FOXO1: variants seen among roughly 807,000 people sequenced by gnomAD.
The protein encoded by FOXO1 is forkhead box protein O1.
In FOXO1, 6 loss-of-function variants were observed where a neutral mutation model predicts 44.1. The observed-to-expected ratio is 0.14, with a 90% CI of 0.07 to 0.27. The LOEUF (loss-of-function observed/expected upper bound fraction) is 0.27, where lower values mean the gene tolerates loss of function less well. Ranked by LOEUF, FOXO1 falls within the 10% of genes least tolerant of loss-of-function variation. The pLI is 1.00. For synonymous variants in FOXO1, 380 were observed against 362.7 expected (o/e 1.05, Z -0.54); for missense variants, 737 against 888.8 (o/e 0.83, Z 2.17).
chr13:40,620,799 C>CTTTTT (rs111991105), intron 1 of FOXO1, among the ~76,000 whole-genome samples: 16,980 of 120,624 alleles, frequency 0.14, 2,641 homozygotes, highest in African/African-American at 0.35. Context: ...CTTCCCCTTG[C>CTTTTT]TTTTTTTTTT....
intron 1 of FOXO1, among the ~76,000 whole-genome samples, chr13:40,585,352 C>CACACAT (rs1483674177): frequency 6.6e-6 from 1 of 151,844 alleles, no homozygotes; most frequent in Non-Finnish European, 1.5e-5. Context: ...CGCACACACA[C>CACACAT]ACACACACAC....
intron 1 of FOXO1, among the ~76,000 whole-genome samples, chr13:40,659,850 A>G (rs1877982298): frequency 6.6e-6 from 1 of 152,202 alleles, no homozygotes. Context: ...GCTGAACCAT[A>G]TAAAATAGCC....
intron 1 of FOXO1, 150 bp downstream of exon 1, chr13:40,665,433 G>A (rs1192231951): frequency 3.3e-6 from 2 of 611,578 alleles, no homozygotes; most frequent in Non-Finnish European, 4.7e-6. Flanking sequence ...GGACCCGGGC[G>A]AGGCCACCGC....
intron 1 of FOXO1, chr13:40,619,332 CAG>C (rs1876531046): frequency 3.7e-6 from 2 of 539,844 alleles, no homozygotes; most frequent in East Asian, 7.6e-5. Context: ...GAACAAATTA[CAG>C]AGACTCAGAA....
chr13:40,567,285 G>A (rs1874306116), intron 1 of FOXO1, among the ~76,000 whole-genome samples: 1 of 151,788 alleles, frequency 6.6e-6, no homozygotes, highest in Non-Finnish European at 1.5e-5. Flanking sequence ...ACCCTTAGAT[G>A]GCCTTCATAC....
intron 1 of FOXO1, among the ~76,000 whole-genome samples, chr13:40,646,182 A>G (rs967940516): frequency 1.3e-5 from 2 of 152,110 alleles, no homozygotes; most frequent in African/African-American, 4.8e-5. Flanking sequence ...TCAGCCTTAG[A>G]TGGGAAATAA....
intron 1 of FOXO1, among the ~76,000 whole-genome samples, chr13:40,663,560 G>A (rs1056841809): frequency 2.0e-5 from 3 of 152,154 alleles, no homozygotes; most frequent in Non-Finnish European, 2.9e-5. Flanking sequence ...CTCTGTAACA[G>A]CTGAAGTGGA....
intron 1 of FOXO1, among the ~76,000 whole-genome samples, chr13:40,575,440 G>C (rs954195053): frequency 3.3e-5 from 5 of 152,162 alleles, no homozygotes; most frequent in Admixed American, 6.5e-5. Context: ...GTGGAGTGAA[G>C]GGCACCAAGG....
intron 1 of FOXO1, among the ~76,000 whole-genome samples, chr13:40,636,201 C>T (rs772695662): frequency 1.3e-5 from 2 of 151,422 alleles, no homozygotes; most frequent in Non-Finnish European, 2.9e-5. Flanking sequence ...GGCCACAGAG[C>T]GAGATTCCAT....
chr13:40,586,608 G>GT, intron 1 of FOXO1, among the ~76,000 whole-genome samples: 1 of 152,312 alleles, frequency 6.6e-6, no homozygotes, highest in Non-Finnish European at 1.5e-5. Flanking sequence ...ATAGTGTGTA[G>GT]TATCAGTTTT....
At chr13:40,568,953 C>G (rs948460967) in intron 1 of FOXO1, among the ~76,000 whole-genome samples, 8 of 151,810 alleles carry the variant, frequency 5.3e-5, no homozygotes, top group Non-Finnish European at 1.5e-5. Context: ...AAAAATAGAA[C>G]CACATGGAGC....
intron 1 of FOXO1, among the ~76,000 whole-genome samples, chr13:40,654,322 TAAAAA>T (rs11344939): frequency 4.6e-4 from 22 of 48,196 alleles, no homozygotes; most frequent in African/African-American, 1.0e-3. Flanking sequence ...CTAAAAATAC[TAAAAA>T]AAAAAAAAAA....
intron 1 of FOXO1, among the ~76,000 whole-genome samples, chr13:40,586,482 G>T (rs1875170258): frequency 6.6e-6 from 1 of 152,136 alleles, no homozygotes; most frequent in Non-Finnish European, 1.5e-5. Flanking sequence ...AGGCAACAGA[G>T]GCACCCCCTT....
intron 1 of FOXO1, among the ~76,000 whole-genome samples, chr13:40,665,259 G>A (rs1176994440): frequency 2.0e-5 from 3 of 152,116 alleles, no homozygotes; most frequent in Non-Finnish European, 4.4e-5. Context: ...GGGGGTTGCC[G>A]CTCCCAGCGA....
chr13:40,665,728 T>C lies in FOXO1; in HGVS notation c.485A>G (p.Asn162Ser), dbSNP rs1361660667. The change falls in exon 1 of 3, where the codon AAC (asparagine) becomes AGC (serine). Residue 162 changes from asparagine (N) to serine (S), a missense_variant. Transcript: ENST00000379561. ...SSSSRRNAWG[N>S]LSYADLITKA... The stretch of plus-strand genomic sequence containing the variant: ...GGTGATGAGGTCGGCGTAGGACAGG[T>C]TGCCCCACGCGTTGCGGCGGGACGA... 6.8e-7 allele frequency: 1 copy of C among 1,467,738 alleles called. No homozygotes were observed. The highest frequency in any genetic ancestry group is 9.1e-7 in the Non-Finnish European group (1 of 1,096,656). The allele number at this position is 1,467,738 out of a possible 1,614,324, so 90.9% of individuals were successfully genotyped here. A position where few individuals can be genotyped will look rare whatever the true frequency, so the allele number is the denominator to read the frequency against.
chr13:40,619,557 C>CA, intron 1 of FOXO1: 1 of 1,407,158 alleles, frequency 7.1e-7, no homozygotes, highest in Non-Finnish European at 1.0e-6. Flanking sequence ...ATTATACAAA[C>CA]ATTCCACTTT....
chr13:40,652,246 A>C (rs897487932), intron 1 of FOXO1, among the ~76,000 whole-genome samples: 2 of 151,760 alleles, frequency 1.3e-5, no homozygotes, highest in Non-Finnish European at 2.9e-5. Flanking sequence ...TATAGTATGA[A>C]TGATGGCAGG....
At chr13:40,664,298 C>CAA (rs1260900233) in intron 1 of FOXO1, among the ~76,000 whole-genome samples, 1 of 152,160 alleles carries the variant, frequency 6.6e-6, no homozygotes, top group Non-Finnish European at 1.5e-5. Flanking sequence ...GTGTTTAGCT[C>CAA]AACTAGACAG....
At chr13:40,616,924 G>A (rs2137897096) in intron 1 of FOXO1, among the ~76,000 whole-genome samples, 1 of 152,222 alleles carries the variant, frequency 6.6e-6, no homozygotes, top group East Asian at 1.9e-4. Flanking sequence ...AGCTTCTCGG[G>A]GCTCCTTTTT....
Sources: allele counts gnomAD v4.1 joint callset (sites outside exome capture counted in the v4.1 genomes callset), GRCh38; gene constraint gnomAD v4.1.1; transcripts MANE v1.5; gene names NCBI Gene and HGNC (gene_info 2026-07-23, HGNC 2026-07-21).